Variants in MLLT10 observed in about 807,000 individuals in gnomAD.
MLLT10 encodes MLLT10 histone lysine methyltransferase DOT1L cofactor.
MLLT10 carries 30 observed loss-of-function variants against 129.1 expected under a neutral mutation model. The ratio of observed to expected loss-of-function variants is 0.23; its 90% confidence interval spans 0.17 to 0.32. The LOEUF (loss-of-function observed/expected upper bound fraction) is 0.32. Among genes scored for constraint, MLLT10 ranks in the 10% least tolerant of loss-of-function variants. MLLT10 has a pLI of 1.00. For synonymous variants in MLLT10, 490 were observed against 446.4 expected (o/e 1.10, Z -1.23); for missense variants, 1,119 against 1,268.3 (o/e 0.88, Z 1.79).
intron 8 of MLLT10, among the ~76,000 whole-genome samples, chr10:21,639,840 C>T (rs897327904): frequency 6.6e-6 from 1 of 151,892 alleles, no homozygotes; most frequent in African/African-American, 2.4e-5. Flanking sequence ...TTCTTTATGT[C>T]CAGCTCCATG....
chr10:21,543,270 G>A (rs1024962838), intron 3 of MLLT10, among the ~76,000 whole-genome samples: 17 of 152,006 alleles, frequency 1.1e-4, no homozygotes, highest in African/African-American at 1.9e-4. Flanking sequence ...ACAGACATGC[G>A]TCACCATGCC....
chr10:21,733,417 G>C (rs570396215), intron 18 of MLLT10, 87 bp from the exon 19 acceptor site: 1 of 851,208 alleles, frequency 1.2e-6, no homozygotes, highest in Admixed American at 3.7e-5. Flanking sequence ...ACGGGCTTCA[G>C]CATAAGCTTT....
chr10:21,560,429 A>G (rs1233021695), intron 3 of MLLT10, among the ~76,000 whole-genome samples: 1 of 151,668 alleles, frequency 6.6e-6, no homozygotes, highest in African/African-American at 2.4e-5. Flanking sequence ...AATTCTTCTT[A>G]TTTTCTGTTG....
chr10:21,552,460 C>T (rs1268028437), intron 3 of MLLT10, among the ~76,000 whole-genome samples: 6 of 141,970 alleles, frequency 4.2e-5, no homozygotes, highest in Non-Finnish European at 7.5e-5. Flanking sequence ...ACAGTGATCT[C>T]AGCTCACTGC....
At chr10:21,623,279 A>G (rs546320307) in intron 8 of MLLT10, among the ~76,000 whole-genome samples, 49 of 152,282 alleles carry the variant, frequency 3.2e-4, no homozygotes, top group African/African-American at 1.2e-3. Context: ...AAGGTTCCAA[A>G]TCTCTGATCA....
At chr10:21,723,358 C>T (rs1331803030) in intron 14 of MLLT10, among the ~76,000 whole-genome samples, 1 of 151,998 alleles carries the variant, frequency 6.6e-6, no homozygotes, top group Non-Finnish European at 1.5e-5. Flanking sequence ...CAGAAGGAAC[C>T]CTTCCTAAAA....
Position 21,621,783 on chromosome 10 carries a change from G to T in MLLT10, c.699+4576G>T, listed in dbSNP as rs546738402. On this transcript the variant is annotated intron_variant, in intron 8 of 22. Transcript: ENST00000307729. ...GACCAGTTTCATTTCCCATGAATGTGGGTCCCTCTTCTGTCGTGACTCAGG... is the reference window on the plus strand; with the variant it reads ...GACCAGTTTCATTTCCCATGAATGTTGGTCCCTCTTCTGTCGTGACTCAGG... 1.9e-4 allele frequency among the ~76,000 whole-genome samples: 29 copies of T among 152,296 alleles called. No homozygotes were observed. The East Asian group carries it at 5.2e-3, about 27-fold the overall frequency.
intron 8 of MLLT10, among the ~76,000 whole-genome samples, chr10:21,629,298 TTTTTATTTG>T (rs938092187): frequency 6.6e-6 from 1 of 151,984 alleles, no homozygotes; most frequent in Non-Finnish European, 1.5e-5. Context: ...TTTATTTGTC[TTTTTATTTG>T]TTTTATTTGT....
rs190075948 is a variant in MLLT10, at chr10:21,665,907, A to G, written c.796-4542A>G. 1.3e-4 allele frequency among the ~76,000 whole-genome samples: 19 copies of G among 151,882 alleles called. No individual in the cohort carries two copies. In the East Asian group the frequency reaches 3.7e-3, roughly 30 times the overall value. On this transcript the variant is annotated intron_variant, in intron 9 of 22. Transcript: ENST00000307729. ...CTACAGGTAGAGACAGGGTTTTACC[A>G]TGTTGGCCAGGCTGGTCTCGAACTC...
At chr10:21,660,913 T>A (rs1238441096) in intron 9 of MLLT10, among the ~76,000 whole-genome samples, 1 of 151,976 alleles carries the variant, frequency 6.6e-6, no homozygotes, top group African/African-American at 2.4e-5. Flanking sequence ...TCTTCTATCT[T>A]CTTTTCTAAT....
intron 9 of MLLT10, among the ~76,000 whole-genome samples, chr10:21,662,057 C>CA (rs2050266667): frequency 6.6e-6 from 1 of 151,522 alleles, no homozygotes. Context: ...ATTTCACTGT[C>CA]TGCTTGATTG....
At position 21,617,193 on chromosome 10, in the gene MLLT10, G is replaced by T; in HGVS notation, c.685G>T (p.Glu229Ter). Residue 229 changes from glutamate (E) to a stop codon, truncating the protein, a stop_gained, in exon 8 of 23, where the codon GAG becomes TAG. Coordinates refer to ENST00000307729, the MANE Select transcript of MLLT10 (RefSeq NM_001195626.3). LOFTEE classifies it high-confidence loss of function. ...SSSHSQDKHH[E>*]KEKKKYKEKD... ...CTCTCACTCTCAGGATAAACATCAT[G>T]AGAAAGAGAAAAAAGTAAGTGGATT... The T allele has an allele frequency of 6.6e-7, 1 of 1,512,406 alleles. No homozygotes were observed. Among genetic ancestry groups the T allele is most frequent in the South Asian group, 1.4e-5 (1 of 70,360 alleles). 93.7% of individuals were successfully genotyped at this position (1,512,406 alleles called of 1,614,324 possible). A position where few individuals can be genotyped will look rare whatever the true frequency, so the allele number is the denominator to read the frequency against.
At chr10:21,665,301 T>TTG (rs1491305314) in intron 9 of MLLT10, among the ~76,000 whole-genome samples, 7 of 113,014 alleles carry the variant, frequency 6.2e-5, no homozygotes, top group African/African-American at 2.6e-4. Flanking sequence ...TTGTTTTTTT[T>TTG]GGGGGGGGGG....
chr10:21,727,456 A>G (rs909777371), intron 15 of MLLT10, among the ~76,000 whole-genome samples: 2 of 152,128 alleles, frequency 1.3e-5, no homozygotes, highest in Non-Finnish European at 2.9e-5. Context: ...CTTGGGATGC[A>G]AAGTGTTAAA....
chr10:21,592,525 G>T (rs2042607728), intron 4 of MLLT10, among the ~76,000 whole-genome samples: 1 of 151,260 alleles, frequency 6.6e-6, no homozygotes, highest in Non-Finnish European at 1.5e-5. Flanking sequence ...GCGCGATCTC[G>T]ACTCACTGCA....
rs199618726 is a variant in MLLT10, at chr10:21,600,368, A to AACACACACACAC, written c.405+4952_405+4963dup. On this transcript the variant is annotated intron_variant, in intron 5 of 22. Transcript: ENST00000307729. ...CAATATTGAATCTTTCCTGAGATAG[A>AACACACACACAC]ACACACACACACACACACACACACA... Among the ~76,000 whole-genome samples, 305 of 144,644 alleles carry AACACACACACAC rather than the reference A, an allele frequency of 2.1e-3. 1 individual carries two copies. Among genetic ancestry groups the AACACACACACAC allele is most frequent in the African/African-American group, 7.2e-3 (285 of 39,786 alleles). The allele number at this position is 144,644 out of a possible 152,430, so 94.9% of individuals were successfully genotyped here. A position where few individuals can be genotyped will look rare whatever the true frequency, so the allele number is the denominator to read the frequency against.
intron 3 of MLLT10, among the ~76,000 whole-genome samples, chr10:21,579,583 G>T (rs1243392548): frequency 6.8e-6 from 1 of 147,278 alleles, no homozygotes; most frequent in Admixed American, 6.8e-5. Context: ...TTTTTTTGAG[G>T]TGGAGTTTCG....
At chr10:21,546,116 C>T (rs558567086) in intron 3 of MLLT10, among the ~76,000 whole-genome samples, 15 of 152,270 alleles carry the variant, frequency 9.9e-5, no homozygotes, top group African/African-American at 2.6e-4. Context: ...CTTGCTCCAT[C>T]GCCCAGGCTG....
intron 2 of MLLT10, among the ~76,000 whole-genome samples, chr10:21,535,205 C>A (rs1334026230): frequency 6.6e-6 from 1 of 152,012 alleles, no homozygotes; most frequent in Non-Finnish European, 1.5e-5. Flanking sequence ...GAGTGGAGCG[C>A]CCTCTTCTCC....
Sources: gnomAD v4.1 joint callset for allele counts (sites outside exome capture counted in the v4.1 genomes callset) on GRCh38, gnomAD v4.1.1 for gene constraint, MANE v1.5 for transcripts, NCBI Gene and HGNC (gene_info 2026-07-23, HGNC 2026-07-21) for gene names.